The following APLP2 variants were observed in gnomAD, a reference collection of about 807,000 sequenced individuals.
The protein encoded by APLP2 is amyloid beta precursor like protein 2.
Under a neutral mutation model 89.9 loss-of-function variants are expected in APLP2, and 53 were observed. The ratio of observed to expected loss-of-function variants is 0.59; its 90% confidence interval spans 0.47 to 0.74. The LOEUF is 0.74. Ranked by LOEUF, APLP2 falls within the 30% of genes least tolerant of loss-of-function variation. The probability of loss-of-function intolerance (pLI) is 0.00; values close to 1 mark genes in which losing one functional copy is unlikely to be tolerated. For missense variants in APLP2, 973 were observed against 975.9 expected (o/e 1.00, Z 0.04); for synonymous variants, 372 against 348.6 (o/e 1.07, Z -0.75).
chr11:130,090,784 C>A (rs1591777314), intron 1 of APLP2, among the ~76,000 whole-genome samples: 1 of 152,234 alleles, frequency 6.6e-6, no homozygotes, highest in African/African-American at 2.4e-5. Context: ...TTGGGCACAC[C>A]TCCCAGACGG....
chr11:130,127,955 A>T, intron 9 of APLP2, 115 bp downstream of exon 9: 2 of 853,858 alleles, frequency 2.3e-6, no homozygotes, highest in African/African-American at 3.4e-5. Flanking sequence ...GTGAGGGCTT[A>T]CAAGGAAGTT....
chr11:130,127,960 G>T, intron 9 of APLP2, 120 bp downstream of exon 9: 1 of 824,270 alleles, frequency 1.2e-6, no homozygotes, highest in Non-Finnish European at 1.9e-6. Flanking sequence ...GGCTTACAAG[G>T]AAGTTGTAAC....
intron 1 of APLP2, chr11:130,101,411 C>T (rs1473112145): frequency 6.6e-6 from 1 of 151,990 alleles, no homozygotes; most frequent in African/African-American, 2.4e-5. Flanking sequence ...TGGTCTCGGT[C>T]TCCTGACCTC....
At chr11:130,117,163 G>A (rs1949285943) in intron 3 of APLP2, among the ~76,000 whole-genome samples, 1 of 152,058 alleles carries the variant, frequency 6.6e-6, no homozygotes, top group South Asian at 2.1e-4. Context: ...AATTTAGTTT[G>A]TTTTCAAATT....
At chr11:130,073,489 T>C (rs944146987) in intron 1 of APLP2, among the ~76,000 whole-genome samples, 1 of 152,256 alleles carries the variant, frequency 6.6e-6, no homozygotes, top group Non-Finnish European at 1.5e-5. Context: ...GTATTTTTGT[T>C]AGAACAATTT....
intron 3 of APLP2, among the ~76,000 whole-genome samples, chr11:130,112,972 A>G (rs1432229572): frequency 6.6e-6 from 1 of 152,112 alleles, no homozygotes; most frequent in Non-Finnish European, 1.5e-5. Context: ...TTCTTCCTGC[A>G]AGGCTTACCT....
intron 2 of APLP2, among the ~76,000 whole-genome samples, chr11:130,110,170 A>G (rs1203284051): frequency 6.6e-6 from 1 of 152,174 alleles, no homozygotes; most frequent in African/African-American, 2.4e-5. Context: ...CAAGTTCTGT[A>G]ATTTCATTGA....
chr11:130,129,346 A>G (rs1213528677), intron 10 of APLP2, 140 bp downstream of exon 10: 1 of 990,760 alleles, frequency 1.0e-6, no homozygotes, highest in Non-Finnish European at 1.5e-6. Context: ...GAGGGAGGAA[A>G]AGGTATTACA....
At chr11:130,138,302 C>T (rs7128899) in intron 13 of APLP2, among the ~76,000 whole-genome samples, 6,086 of 152,288 alleles carry the variant, frequency 0.04, 385 homozygotes, top group African/African-American at 0.14. Context: ...TTTCAATCTT[C>T]TGAAAATGAC....
At chr11:130,116,916 G>A (rs1414376790) in intron 3 of APLP2, among the ~76,000 whole-genome samples, 1 of 151,814 alleles carries the variant, frequency 6.6e-6, no homozygotes, top group Non-Finnish European at 1.5e-5. Context: ...GATCATTTGA[G>A]ATCAGGAGTT....
At chr11:130,073,493 AC>A (rs1361104293) in intron 1 of APLP2, among the ~76,000 whole-genome samples, 1 of 152,228 alleles carries the variant, frequency 6.6e-6, no homozygotes, top group Non-Finnish European at 1.5e-5. Context: ...TTTTGTTAGA[AC>A]AATTTTGAAT....
chr11:130,132,102 TG>T (rs1950989462), intron 11 of APLP2, among the ~76,000 whole-genome samples: 1 of 152,212 alleles, frequency 6.6e-6, no homozygotes, highest in African/African-American at 2.4e-5. Flanking sequence ...TCCCGCTCTG[TG>T]GTTCTTGTCC....
chr11:130,110,746 T>A, intron 3 of APLP2, 85 bp downstream of exon 3: 1 of 1,448,462 alleles, frequency 6.9e-7, no homozygotes, highest in Non-Finnish European at 9.2e-7. Flanking sequence ...GTGAAATATT[T>A]ACACCTGTTA....
intron 3 of APLP2, among the ~76,000 whole-genome samples, chr11:130,114,838 A>C (rs1948988750): frequency 6.6e-6 from 1 of 152,130 alleles, no homozygotes; most frequent in African/African-American, 2.4e-5. Context: ...TACTTTGAAA[A>C]CAAAACTGGT....
intron 3 of APLP2, among the ~76,000 whole-genome samples, chr11:130,117,091 A>C (rs1371720086): frequency 6.6e-6 from 1 of 152,106 alleles, no homozygotes; most frequent in African/African-American, 2.4e-5. Context: ...AGATTGTGCC[A>C]CTGTACTCCA....
chr11:130,111,069 T>C (rs1057819), intron 3 of APLP2, among the ~76,000 whole-genome samples: 14,810 of 152,130 alleles, frequency 0.097, 1,065 homozygotes, highest in African/African-American at 0.19. Context: ...TTTCTGCTAG[T>C]TTTCAGGAGA....
intron 7 of APLP2, 48 bp from the exon 8 acceptor site, chr11:130,126,652 A>G: frequency 6.2e-7 from 1 of 1,607,498 alleles, no homozygotes; most frequent in South Asian, 1.1e-5. Context: ...TTCCTAGAGC[A>G]CAGTGCATCT....
intron 12 of APLP2, among the ~76,000 whole-genome samples, chr11:130,133,974 G>T (rs1282980581): frequency 2.6e-5 from 4 of 152,232 alleles, no homozygotes; most frequent in Non-Finnish European, 5.9e-5. Context: ...TCTGTTAGCG[G>T]AAGAATATCT....
At chr11:130,134,353 C>T (rs1004254867) in intron 12 of APLP2, among the ~76,000 whole-genome samples, 2 of 152,168 alleles carry the variant, frequency 1.3e-5, no homozygotes, top group African/African-American at 4.8e-5. Context: ...GGTAAGATCA[C>T]AGCGGGAGAG....
Sources: gnomAD v4.1 joint callset for allele counts (sites outside exome capture counted in the v4.1 genomes callset) on GRCh38, gnomAD v4.1.1 for gene constraint, MANE v1.5 for transcripts, NCBI Gene and HGNC (gene_info 2026-07-23, HGNC 2026-07-21) for gene names.